FREM2: variants seen among roughly 807,000 people sequenced by gnomAD.
FREM2 encodes FRAS1-related extracellular matrix protein 2.
In FREM2, 119 loss-of-function variants were observed where a neutral mutation model predicts 219.9. The ratio of observed to expected loss-of-function variants is 0.54; its 90% confidence interval spans 0.47 to 0.63. The LOEUF is 0.63. FREM2 is among the 30% of genes least tolerant of loss of function. The pLI, the probability that FREM2 is intolerant of heterozygous loss-of-function variation, is 0.00. For synonymous variants in FREM2, 1,562 were observed against 1,522.8 expected (o/e 1.03, Z -0.60); for missense variants, 4,030 against 3,993.6 (o/e 1.01, Z -0.25).
intron 5 of FREM2, 42 bp downstream of exon 5, chr13:38,783,237 T>C: frequency 6.2e-7 from 1 of 1,610,392 alleles, no homozygotes; most frequent in Non-Finnish European, 8.5e-7. Flanking sequence ...CCCCAAAAGA[T>C]ATAAATAAGC....
chr13:38,831,316 CA>C lies in FREM2; in HGVS notation c.6020-15256del, dbSNP rs200091273. 5.8e-3 allele frequency among the ~76,000 whole-genome samples: 880 copies of C among 152,252 alleles called. 4 individuals carry two copies. The highest frequency in any genetic ancestry group is 0.02 in the African/African-American group (837 of 41,566). ...AAAATTTTGATGACTGTGATGCTTACATTTTATTTTACACTTGTGATGACTC... is the reference window on the plus strand; with the variant it reads ...AAAATTTTGATGACTGTGATGCTTACTTTTATTTTACACTTGTGATGACTC... On this transcript the variant is annotated intron_variant, in intron 6 of 23. Coordinates refer to ENST00000280481, the MANE Select transcript of FREM2 (RefSeq NM_207361.6).
In FREM2 at chr13:38,844,835, A is replaced by T. The variant is rs76500113; in HGVS notation, c.6020-1738A>T. ...CGGAAGCCTTTTAAAAGACTTACAG[A>T]TGTGCCTGGTTTGGCCATCTGGTCA... On this transcript the variant is annotated intron_variant, in intron 6 of 23. Coordinates refer to ENST00000280481, the MANE Select transcript of FREM2 (RefSeq NM_207361.6). Among the ~76,000 whole-genome samples, 1,238 of 152,320 alleles carry T rather than the reference A, an allele frequency of 8.1e-3. 18 individuals carry two copies. Among genetic ancestry groups the T allele is most frequent in the African/African-American group, 0.027 (1,136 of 41,570 alleles).
Position 38,784,687 on chromosome 13 carries a change from T to A in FREM2, c.5898T>A (p.Ile1966=). Reference sequence around the variant, plus strand: ...AGAAACTGTGTCGGATAGTCATAATTGATGACTCTTTGTACGAGGAGGAGG... The same window carrying A: ...AGAAACTGTGTCGGATAGTCATAATAGATGACTCTTTGTACGAGGAGGAGG... ...EREKLCRIVI[I]DDSLYEEEET... Residue 1966 remains isoleucine, a synonymous_variant, in exon 6 of 24, where the codon ATT becomes ATA. Coordinates refer to ENST00000280481, the MANE Select transcript of FREM2 (RefSeq NM_207361.6). 1 of 1,614,164 alleles carries A rather than the reference T, an allele frequency of 6.2e-7. No individual in the cohort carries two copies. The highest frequency in any genetic ancestry group is 1.1e-5 in the South Asian group (1 of 91,084).
rs143136331 is a variant in FREM2 at position 38,769,336 on chromosome 13, A to G, written c.5411-242A>G. 9.4e-4 allele frequency among the ~76,000 whole-genome samples: 143 copies of G among 152,308 alleles called. 1 individual carries two copies. Among genetic ancestry groups the G allele is most frequent in the Middle Eastern group, 3.4e-3 (1 of 294 alleles). On this transcript the variant is annotated intron_variant, in intron 3 of 23. Coordinates refer to ENST00000280481, the MANE Select transcript of FREM2 (RefSeq NM_207361.6). ...TGACAAGAAGTTCTAATCCAAATGTAGCTTAAAGCATATATAGCAAAACCA... is the reference window on the plus strand; with the variant it reads ...TGACAAGAAGTTCTAATCCAAATGTGGCTTAAAGCATATATAGCAAAACCA...
intron 2 of FREM2, among the ~76,000 whole-genome samples, chr13:38,756,548 G>A (rs1026544966): frequency 1.8e-5 from 2 of 110,712 alleles, no homozygotes; most frequent in African/African-American, 7.0e-5. Flanking sequence ...TTTTTTTTGA[G>A]ACGGAGTGTC....
intron 2 of FREM2, among the ~76,000 whole-genome samples, chr13:38,739,666 C>A (rs1872157374): frequency 6.6e-6 from 1 of 152,134 alleles, no homozygotes; most frequent in African/African-American, 2.4e-5. Flanking sequence ...TTCGTGGTCA[C>A]TACATACACC....
At chr13:38,758,884 T>C (rs1172927729) in intron 2 of FREM2, among the ~76,000 whole-genome samples, 1 of 152,198 alleles carries the variant, frequency 6.6e-6, no homozygotes, top group African/African-American at 2.4e-5. Context: ...AATCAAATTA[T>C]CTGCCCAGTG....
At chr13:38,772,352 G>A (rs1215130160) in intron 4 of FREM2, among the ~76,000 whole-genome samples, 1 of 152,112 alleles carries the variant, frequency 6.6e-6, no homozygotes, top group African/African-American at 2.4e-5. Context: ...GATAAAACAA[G>A]GTATGAAGAG....
chr13:38,843,270 CT>C (rs34983724), intron 6 of FREM2, among the ~76,000 whole-genome samples: 18,768 of 152,080 alleles, frequency 0.12, 1,391 homozygotes, highest in Admixed American at 0.21. Context: ...TCCATTAAGT[CT>C]GTGAACTTAA....
chr13:38,852,704 C>CT (rs369947598), intron 11 of FREM2, among the ~76,000 whole-genome samples: 14,203 of 131,366 alleles, frequency 0.11, 923 homozygotes, highest in Admixed American at 0.2. Context: ...ATGTCACCAT[C>CT]TTTTTTTTTT....
intron 6 of FREM2, among the ~76,000 whole-genome samples, chr13:38,793,927 G>T (rs909040639): frequency 6.6e-6 from 1 of 152,128 alleles, no homozygotes; most frequent in Non-Finnish European, 1.5e-5. Context: ...GGAGAATAAA[G>T]GTAGAATGGG....
rs555082453 is a variant in FREM2, at chr13:38,887,109, A to C, written c.*6322A>C. 14 of 152,332 alleles carry C rather than the reference A, an allele frequency of 9.2e-5. 1 individual carries two copies. In the East Asian group the frequency reaches 2.7e-3, roughly 29 times the overall value. The allele number at this position is 152,332 out of a possible 1,614,324, so 9.4% of individuals were successfully genotyped here. ...CAAAATATACCAAGTGTGTAATATA[A>C]ATAAAGCCCATATCAATATAAATGT... is the stretch of plus-strand genomic sequence containing the variant. On this transcript the variant is annotated 3_prime_UTR_variant, in exon 24 of 24. Coordinates refer to ENST00000280481, the MANE Select transcript of FREM2 (RefSeq NM_207361.6).
At chr13:38,820,167 A>G (rs1875983839) in intron 6 of FREM2, among the ~76,000 whole-genome samples, 1 of 152,174 alleles carries the variant, frequency 6.6e-6, no homozygotes, top group Non-Finnish European at 1.5e-5. Context: ...TCAATTGGAC[A>G]AGGAATAGCA....
chr13:38,812,027 C>A (rs1198522807), intron 6 of FREM2, among the ~76,000 whole-genome samples: 2 of 152,236 alleles, frequency 1.3e-5, no homozygotes, highest in East Asian at 3.9e-4. Context: ...ACTGAATTAA[C>A]CCCTTTATCA....
chr13:38,805,578 T>C (rs1291475234), intron 6 of FREM2, among the ~76,000 whole-genome samples: 1 of 151,910 alleles, frequency 6.6e-6, no homozygotes, highest in Non-Finnish European at 1.5e-5. Context: ...ACATGTCTGA[T>C]GGTGGCAGTT....
chr13:38,701,503 T>C (rs1476010519), intron 2 of FREM2, among the ~76,000 whole-genome samples: 1 of 152,152 alleles, frequency 6.6e-6, no homozygotes. Flanking sequence ...TCTGGAATTT[T>C]GTTAGGGAGA....
At chr13:38,872,004 C>T (rs1878175261) in intron 16 of FREM2, among the ~76,000 whole-genome samples, 1 of 152,058 alleles carries the variant, frequency 6.6e-6, no homozygotes, top group South Asian at 2.1e-4. Context: ...AAAAAAGTAG[C>T]TCATAGCAGC....
At chr13:38,822,664 C>G (rs1593428722) in intron 6 of FREM2, among the ~76,000 whole-genome samples, 1 of 152,154 alleles carries the variant, frequency 6.6e-6, no homozygotes, top group African/African-American at 2.4e-5. Flanking sequence ...ACCTAGCATG[C>G]ATGTTTTCTG....
At chr13:38,705,425 C>T (rs1426449477) in intron 2 of FREM2, among the ~76,000 whole-genome samples, 1 of 152,240 alleles carries the variant, frequency 6.6e-6, no homozygotes, top group Admixed American at 6.5e-5. Flanking sequence ...ATTATGAGAC[C>T]TCTTACTTCT....
Sources: gnomAD v4.1 joint callset for allele counts (sites outside exome capture counted in the v4.1 genomes callset) on GRCh38, gnomAD v4.1.1 for gene constraint, MANE v1.5 for transcripts, NCBI Gene and HGNC (gene_info 2026-07-23, HGNC 2026-07-21) for gene names.